UBR2: variants seen among roughly 807,000 people sequenced by gnomAD.
UBR2 encodes the protein E3 ubiquitin-protein ligase UBR2.
In UBR2, 92 loss-of-function variants were observed where a neutral mutation model predicts 247.9. The observed-to-expected ratio is 0.37, with a 90% confidence interval of 0.31 to 0.44. The LOEUF (loss-of-function observed/expected upper bound fraction) is 0.44. UBR2 is among the 20% of genes least tolerant of loss of function. The probability of loss-of-function intolerance (pLI) is 1.00; values close to 1 mark genes in which losing one functional copy is unlikely to be tolerated. For missense variants in UBR2, 1,613 were observed against 2,112.6 expected, an observed-to-expected ratio of 0.76 and a Z score of 4.64; for synonymous variants, 672 against 693.5, an observed-to-expected ratio of 0.97 and a Z score of 0.49.
chr6:42,664,662 G>A (rs565375595), intron 32 of UBR2, among the ~76,000 whole-genome samples: 15 of 152,284 alleles, frequency 9.9e-5, no homozygotes, highest in African/African-American at 3.6e-4. Context: ...AAAGAATATC[G>A]TGGTACTGAC....
intron 41 of UBR2, 75 bp from the exon 42 acceptor site, chr6:42,679,649 C>CT: frequency 9.3e-7 from 1 of 1,079,152 alleles, no homozygotes; most frequent in African/African-American, 1.6e-5. Flanking sequence ...TTTTTAAACT[C>CT]TGCTATTGCT....
At chr6:42,674,067 A>G (rs1798584972) in intron 37 of UBR2, 59 bp from the exon 38 acceptor site, 1 of 1,535,168 alleles carries the variant, frequency 6.5e-7, no homozygotes, top group Non-Finnish European at 8.9e-7. Context: ...AGCAGATTAT[A>G]TGCATTTTAA....
intron 2 of UBR2, among the ~76,000 whole-genome samples, chr6:42,590,048 C>A (rs747310387): frequency 6.6e-6 from 1 of 152,020 alleles, no homozygotes; most frequent in Admixed American, 6.6e-5. Flanking sequence ...ATTTTTTCTG[C>A]CTTTGTTCCA....
chr6:42,658,139 AT>A lies in UBR2; in HGVS notation c.2982+9del. The A allele has an allele frequency of 6.2e-7, 1 of 1,613,472 alleles. No homozygotes were observed. The highest frequency in any genetic ancestry group is 8.5e-7 in the Non-Finnish European group (1 of 1,179,612). On this transcript the variant is annotated splice_region_variant and intron_variant, in intron 27 of 46. Transcript: ENST00000372901. Reference sequence around the variant, plus strand: ...TGATTCGGTGGATATTGAAGGTAAAATTTCCACATTCCTCTGCTTTTTGTGA... The same window carrying A: ...TGATTCGGTGGATATTGAAGGTAAAATTCCACATTCCTCTGCTTTTTGTGA...
At chr6:42,572,445 C>T (rs1211687029) in intron 1 of UBR2, among the ~76,000 whole-genome samples, 1 of 147,826 alleles carries the variant, frequency 6.8e-6, no homozygotes. Flanking sequence ...TGTTACATAT[C>T]ACTTGAACAT....
chr6:42,633,608 C>G (rs746940398), intron 13 of UBR2, among the ~76,000 whole-genome samples: 44 of 151,434 alleles, frequency 2.9e-4, no homozygotes, highest in Non-Finnish European at 5.0e-4. Context: ...CCAGGCTGGT[C>G]TCGAACTCCT....
intron 16 of UBR2, among the ~76,000 whole-genome samples, chr6:42,641,146 C>G (rs1033826563): frequency 1.1e-4 from 16 of 152,128 alleles, no homozygotes; most frequent in Non-Finnish European, 1.5e-5. Flanking sequence ...AACTAACCAT[C>G]ACACAAACAT....
chr6:42,689,143 G>A lies in UBR2; in HGVS notation c.5025-426G>A, dbSNP rs1247729721. ...GCGTGTCACTGGAGTGTTGTGCACA[G>A]GTGAGAGAATCCAGGGGCCTGCTGT... On this transcript the variant is annotated intron_variant, in intron 45 of 46. Coordinates refer to ENST00000372901, the MANE Select transcript of UBR2 (RefSeq NM_001363705.2). The surrounding 1 kb of genome is among the most constrained non-coding windows in gnomAD (Gnocchi z 4.0). Among the ~76,000 whole-genome samples, 1 of 152,212 alleles carries A rather than the reference G, an allele frequency of 6.6e-6. No homozygotes were observed. Among genetic ancestry groups the A allele is most frequent in the East Asian group, 1.9e-4 (1 of 5,196 alleles).
At position 42,662,925 on chromosome 6, in the gene UBR2, A is replaced by G. The variant is rs190233445; in HGVS notation, c.3537-333A>G. Among the ~76,000 whole-genome samples the G allele has an allele frequency of 4.0e-3, 604 of 151,642 alleles. 2 individuals are homozygous for G. The highest frequency in any genetic ancestry group is 5.8e-3 in the Non-Finnish European group (392 of 67,916). On this transcript the variant is annotated intron_variant, in intron 31 of 46. Coordinates refer to ENST00000372901, the MANE Select transcript of UBR2 (RefSeq NM_001363705.2). ...ACTCCAGCCTGGGCGACAGAGCAAG[A>G]CTCCATCTCAAAAACAACAACAACA...
chr6:42,628,316 C>A (rs547774824), intron 11 of UBR2, among the ~76,000 whole-genome samples: 4 of 151,958 alleles, frequency 2.6e-5, no homozygotes, highest in Non-Finnish European at 5.9e-5. Context: ...TTATGCACAT[C>A]CCTGGTTAAA....
In UBR2 at chr6:42,650,289, C is replaced by G; in HGVS notation, c.2468C>G (p.Pro823Arg). ...TAAGGTCCTTTCTTTCACAGGAAAC[C>G]TGGATTAACAGGACGAGGCATGTAT... is the stretch of plus-strand genomic sequence containing the variant. ...VIEAVAHFKK[P>R]GLTGRGMYEL... is the part of the protein sequence containing the mutation. The change falls in exon 23 of 47, where the codon CCT becomes CGT. Residue 823 changes from proline (P) to arginine (R), a missense_variant. By Grantham distance (103) the Pro-to-Arg change is moderately radical. Transcript: ENST00000372901. The G allele has an allele frequency of 6.2e-7, 1 of 1,612,718 alleles. No homozygotes were observed. Among genetic ancestry groups the G allele is most frequent in the Non-Finnish European group, 8.5e-7 (1 of 1,179,300 alleles).
intron 17 of UBR2, among the ~76,000 whole-genome samples, chr6:42,642,074 T>C (rs1437357470): frequency 6.6e-6 from 1 of 152,208 alleles, no homozygotes; most frequent in Non-Finnish European, 1.5e-5. Context: ...TGAATTTTTT[T>C]TTTTCCAAGA....
intron 44 of UBR2, among the ~76,000 whole-genome samples, chr6:42,685,706 G>A (rs1383427349): frequency 6.6e-6 from 1 of 151,762 alleles, no homozygotes; most frequent in Non-Finnish European, 1.5e-5. Context: ...ACTACACCCG[G>A]CAGTAATTTT....
In UBR2 at chr6:42,678,619, C is replaced by G; in HGVS notation, c.4559C>G (p.Ala1520Gly). Residue 1520 changes from alanine to glycine, a missense_variant, in exon 41 of 47, where the codon GCT becomes GGT. Ala to Gly is a moderately conservative substitution (Grantham distance 60, BLOSUM62 0). This residue lies in a region of UBR2 where 1,524 missense variants were observed against 1,967.3 expected (regional missense o/e 0.77). Transcript: ENST00000372901. The stretch of plus-strand genomic sequence containing the variant: ...ATCATGCCTTTCCTGAAGTGTTCTG[C>G]TTTATTTTTTCATTACTTAAATGGA... ...AGIMPFLKCS[A>G]LFFHYLNGVP... 6.2e-7 allele frequency: 1 copy of G among 1,613,680 alleles called. No homozygotes were observed. Among genetic ancestry groups the G allele is most frequent in the South Asian group, 1.1e-5 (1 of 91,010 alleles).
intron 11 of UBR2, 82 bp downstream of exon 11, chr6:42,617,589 T>C: frequency 8.0e-7 from 1 of 1,245,140 alleles, no homozygotes; most frequent in Non-Finnish European, 1.1e-6. Flanking sequence ...AGTCTGTATA[T>C]TCCTGAAAAG....
At chr6:42,658,171 A>G (rs1037309435) in intron 27 of UBR2, 38 bp downstream of exon 27, 1 of 1,611,704 alleles carries the variant, frequency 6.2e-7, no homozygotes, top group Non-Finnish European at 8.5e-7. Context: ...TGTGAGAAAT[A>G]TTGAATATTT....
chr6:42,640,383 GGTGT>G (rs61668810), intron 16 of UBR2, 113 bp downstream of exon 16: 13,618 of 167,910 alleles, frequency 0.081, 202 homozygotes, highest in Admixed American at 0.097. Flanking sequence ...GAACCAGTAA[GGTGT>G]GTGTGTGTGT....
At position 42,670,664 on chromosome 6, in the gene UBR2, A is replaced by G. The variant is rs1425569030; in HGVS notation, c.4035A>G (p.Arg1345=). ...SCAYTIQSIE[R]ILSDEDKPLF... ...TTAACCATCTTTAATCTGTAGAAAG[A>G]ATTTTGAGTGATGAAGATAAACCAT... The change falls in exon 36 of 47, where the codon AGA becomes AGG. Residue 1345 remains arginine (R), a synonymous_variant. Transcript: ENST00000372901. 6.2e-7 allele frequency: 1 copy of G among 1,604,546 alleles called. No individual in the cohort carries two copies. Among genetic ancestry groups the G allele is most frequent in the South Asian group, 1.1e-5 (1 of 89,598 alleles).
At chr6:42,632,472 A>G (rs759290604) in intron 11 of UBR2, 80 bp from the exon 12 acceptor site, 4 of 1,305,030 alleles carry the variant, frequency 3.1e-6, no homozygotes, top group Non-Finnish European at 4.1e-6. Context: ...AAGGAGCTAA[A>G]CAATGTTGGT....
Sources: gnomAD v4.1 joint callset for allele counts (sites outside exome capture counted in the v4.1 genomes callset) on GRCh38, gnomAD v4.1.1 for gene constraint, gnomAD v4.1.1 regional missense constraint, Gnocchi (gnomAD v3.1) non-coding constraint, MANE v1.5 for transcripts, NCBI Gene and HGNC (gene_info 2026-07-23, HGNC 2026-07-21) for gene names.